DIAPH3: variants seen among roughly 807,000 people sequenced by gnomAD.
The protein encoded by DIAPH3 is diaphanous related formin 3.
Under a neutral mutation model 144.3 loss-of-function variants are expected in DIAPH3, and 117 were observed. That is an observed-to-expected ratio of 0.81 (90% CI 0.70 to 0.95). The LOEUF (loss-of-function observed/expected upper bound fraction) is 0.95, where lower values mean the gene tolerates loss of function less well. DIAPH3 is among the 40% of genes least tolerant of loss of function. The pLI, the probability that DIAPH3 is intolerant of heterozygous loss-of-function variation, is 0.00. For missense variants in DIAPH3, 1,421 were observed against 1,412.7 expected, an observed-to-expected ratio of 1.01 and a Z score of -0.09; for synonymous variants, 519 against 488.9, an observed-to-expected ratio of 1.06 and a Z score of -0.81.
At chr13:59,822,250 T>C (rs909778694) in intron 24 of DIAPH3, among the ~76,000 whole-genome samples, 55 of 152,202 alleles carry the variant, frequency 3.6e-4, no homozygotes, top group African/African-American at 1.3e-3. Flanking sequence ...AATAAAAATA[T>C]TATTTTTATC....
At chr13:59,911,151 G>A (rs903933730) in intron 20 of DIAPH3, among the ~76,000 whole-genome samples, 1 of 152,008 alleles carries the variant, frequency 6.6e-6, no homozygotes, top group Non-Finnish European at 1.5e-5. Context: ...AAGAAATCTT[G>A]ATAAAAATCT....
intron 9 of DIAPH3, among the ~76,000 whole-genome samples, chr13:60,007,093 C>G (rs1314501929): frequency 6.6e-6 from 1 of 152,044 alleles, no homozygotes; most frequent in African/African-American, 2.4e-5. Flanking sequence ...GCTCAGTCAC[C>G]CAGGCTGGAG....
chr13:59,832,452 A>G (rs548197303), intron 24 of DIAPH3, among the ~76,000 whole-genome samples: 1 of 151,982 alleles, frequency 6.6e-6, no homozygotes, highest in South Asian at 2.1e-4. Flanking sequence ...TTACCCATCT[A>G]TTAAGAATAA....
chr13:60,113,175 A>G (rs1370817532), intron 2 of DIAPH3, among the ~76,000 whole-genome samples: 1 of 152,196 alleles, frequency 6.6e-6, no homozygotes, highest in Non-Finnish European at 1.5e-5. Flanking sequence ...ATTAAATTGA[A>G]TGATATTAAA....
intron 25 of DIAPH3, among the ~76,000 whole-genome samples, chr13:59,780,160 C>T (rs1390503963): frequency 6.6e-6 from 1 of 151,846 alleles, no homozygotes; most frequent in Non-Finnish European, 1.5e-5. Context: ...CACCAAGATA[C>T]CTAGGCCCCA....
At chr13:59,761,484 C>G (rs370970059) in intron 27 of DIAPH3, among the ~76,000 whole-genome samples, 1 of 152,052 alleles carries the variant, frequency 6.6e-6, no homozygotes. Context: ...TCATTTCTAT[C>G]ATTTTTTTTC....
rs141443326 is a variant in DIAPH3 at position 59,786,382 on chromosome 13, G to T, written c.3164-11559C>A. 2.0e-5 allele frequency among the ~76,000 whole-genome samples: 3 copies of T among 152,102 alleles called. No individual in the cohort carries two copies. In the East Asian group the frequency reaches 5.8e-4, roughly 29 times the overall value. On this transcript the variant is annotated intron_variant, in intron 25 of 27. Coordinates refer to ENST00000400324, the MANE Select transcript of DIAPH3 (RefSeq NM_001042517.2). ...TGGATGTCATGAATAAACTATGATT[G>T]AATTTTAACTATATACACAACCAGG...
chr13:60,050,698 T>G (rs1304558666), intron 4 of DIAPH3, among the ~76,000 whole-genome samples: 1 of 152,180 alleles, frequency 6.6e-6, no homozygotes, highest in Non-Finnish European at 1.5e-5. Flanking sequence ...TGGTAAGGAC[T>G]TTAGGTTTTA....
chr13:60,047,795 T>C lies in DIAPH3; in HGVS notation c.496-4975A>G, dbSNP rs184472711. ...TACCTCATTAAATTCAAAAGTCTCT[T>C]ATTAAATTAGTTTCAGTAAGGAAAT... On this transcript the variant is annotated intron_variant, in intron 4 of 27. Transcript: ENST00000400324. 1.2e-4 allele frequency among the ~76,000 whole-genome samples: 18 copies of C among 152,320 alleles called. No individual in the cohort carries two copies. The East Asian group carries it at 2.5e-3, about 21-fold the overall frequency.
At chr13:59,881,156 A>G (rs185730233) in intron 20 of DIAPH3, among the ~76,000 whole-genome samples, 3 of 145,830 alleles carry the variant, frequency 2.1e-5, no homozygotes, top group Admixed American at 6.6e-5. Context: ...CTTAAAATAT[A>G]TTATATTTTA....
chr13:60,106,956 AT>A (rs1396229517), intron 3 of DIAPH3, among the ~76,000 whole-genome samples: 3 of 152,182 alleles, frequency 2.0e-5, no homozygotes, highest in African/African-American at 4.8e-5. Context: ...CATACGAACT[AT>A]TCCAGACTGA....
intron 17 of DIAPH3, among the ~76,000 whole-genome samples, chr13:59,937,307 C>A (rs1365869144): frequency 6.6e-6 from 1 of 152,048 alleles, no homozygotes; most frequent in African/African-American, 2.4e-5. Context: ...CATACGAAGA[C>A]ATATACAAAA....
At chr13:59,971,434 G>A (rs1289236325) in intron 15 of DIAPH3, among the ~76,000 whole-genome samples, 5 of 152,056 alleles carry the variant, frequency 3.3e-5, no homozygotes, top group African/African-American at 1.2e-4. Context: ...TGTCCAGGAG[G>A]GAAATGGGTA....
chr13:59,972,030 A>G (rs766804190), intron 15 of DIAPH3, among the ~76,000 whole-genome samples: 1 of 152,216 alleles, frequency 6.6e-6, no homozygotes, highest in Non-Finnish European at 1.5e-5. Flanking sequence ...TATCTCTTTG[A>G]CAGATCATAA....
chr13:60,063,492 C>T (rs1285352839), intron 4 of DIAPH3, among the ~76,000 whole-genome samples: 1 of 152,142 alleles, frequency 6.6e-6, no homozygotes, highest in East Asian at 1.9e-4. Flanking sequence ...GAATCCTATC[C>T]AGAAGGTTTT....
intron 27 of DIAPH3, among the ~76,000 whole-genome samples, chr13:59,751,521 C>G (rs1566259739): frequency 6.6e-6 from 1 of 152,154 alleles, no homozygotes; most frequent in Admixed American, 6.5e-5. Flanking sequence ...GTGTTATTTA[C>G]AAATCCATTT....
chr13:59,768,784 A>G (rs1017901159), intron 27 of DIAPH3, among the ~76,000 whole-genome samples: 2 of 152,184 alleles, frequency 1.3e-5, no homozygotes, highest in African/African-American at 4.8e-5. Flanking sequence ...AGTGCCATAT[A>G]TAAGTGGAAG....
intron 24 of DIAPH3, among the ~76,000 whole-genome samples, chr13:59,825,025 T>C (rs1319475546): frequency 2.0e-5 from 2 of 100,032 alleles, no homozygotes; most frequent in Non-Finnish European, 4.3e-5. Flanking sequence ...AACAGAAAAA[T>C]GACACATTTA....
chr13:59,801,898 TC>T (rs1402171418), intron 25 of DIAPH3, among the ~76,000 whole-genome samples: 3 of 152,340 alleles, frequency 2.0e-5, no homozygotes, highest in Non-Finnish European at 4.4e-5. Flanking sequence ...TTGCTTAATT[TC>T]CCCAGTCTGC....
Sources: allele counts gnomAD v4.1 joint callset (sites outside exome capture counted in the v4.1 genomes callset), GRCh38; gene constraint gnomAD v4.1.1; transcripts MANE v1.5; gene names NCBI Gene and HGNC (gene_info 2026-07-23, HGNC 2026-07-21).